Variants in MYO16 observed in about 807,000 individuals in gnomAD.
MYO16 encodes myosin XVI.
Under a neutral mutation model 205.3 loss-of-function variants are expected in MYO16, and 94 were observed. The ratio of observed to expected loss-of-function variants is 0.46; its 90% CI spans 0.39 to 0.54. The LOEUF is 0.54. MYO16 is among the 20% of genes least tolerant of loss of function. MYO16 has a pLI of 0.00. For synonymous variants in MYO16, 988 were observed against 954.0 expected (o/e 1.04, Z -0.66); for missense variants, 2,315 against 2,387.5 (o/e 0.97, Z 0.63).
intron 20 of MYO16, among the ~76,000 whole-genome samples, chr13:108,980,421 G>A (rs1463943997): frequency 8.5e-5 from 13 of 152,112 alleles, no homozygotes; most frequent in Admixed American, 6.5e-4. Flanking sequence ...AGAGTTAGCC[G>A]AATCTTTGTT....
chr13:108,641,429 G>A (rs1880498795), intron 1 of MYO16, among the ~76,000 whole-genome samples: 1 of 152,134 alleles, frequency 6.6e-6, no homozygotes, highest in Admixed American at 6.5e-5. Context: ...GAAATCAATT[G>A]GCCATTCTCC....
chr13:109,106,435 G>A (rs1007345836), intron 28 of MYO16, among the ~76,000 whole-genome samples: 2 of 152,178 alleles, frequency 1.3e-5, no homozygotes, highest in African/African-American at 4.8e-5. Context: ...ACAGAAGAGT[G>A]ACTGGACAGC....
At position 109,102,090 on chromosome 13, in the gene MYO16, CCTTTT is replaced by C. The variant is rs774930224; in HGVS notation, c.3438+1209_3438+1213del. Among the ~76,000 whole-genome samples the C allele has an allele frequency of 9.9e-5, 15 of 151,838 alleles. No homozygotes were observed. The East Asian group carries it at 1.4e-3, about 14-fold the overall frequency. On this transcript the variant is annotated intron_variant, in intron 28 of 34. Coordinates refer to ENST00000457511, the MANE Select transcript of MYO16 (RefSeq NM_001198950.3). ...AATCTTTTTCTTTGTTATCTTTTTT[CCTTTT>C]CTTTTTTTTTTAACTAATAATGAAA...
rs1197283457 is a variant in MYO16, at chr13:108,727,344, T to C, written c.364-96T>C. ...TAGCTTCACCTCTCAACTCCCAAAA[T>C]TGGTATTGAAGTTTTTTTTTAAATC... On this transcript the variant is annotated intron_variant, in intron 3 of 34. Coordinates refer to ENST00000457511, the MANE Select transcript of MYO16 (RefSeq NM_001198950.3). 14 of 1,326,046 alleles carry C rather than the reference T, an allele frequency of 1.1e-5. No individual in the cohort carries two copies. In the Admixed American group the frequency reaches 3.2e-4, roughly 31 times the overall value. The allele number at this position is 1,326,046 out of a possible 1,614,324, so 82.1% of individuals were successfully genotyped here. A position where few individuals can be genotyped will look rare whatever the true frequency, so the allele number is the denominator to read the frequency against.
intron 4 of MYO16, among the ~76,000 whole-genome samples, chr13:108,764,877 T>C (rs1313253465): frequency 6.6e-6 from 1 of 152,190 alleles, no homozygotes; most frequent in Non-Finnish European, 1.5e-5. Context: ...ATTTGAAACT[T>C]GAAACTATGG....
intron 23 of MYO16, among the ~76,000 whole-genome samples, chr13:109,030,426 A>G (rs1293255905): frequency 1.3e-5 from 2 of 152,184 alleles, no homozygotes; most frequent in Admixed American, 1.3e-4. Flanking sequence ...ATTGAATTCA[A>G]GGGTTTATCT....
chr13:109,112,570 A>G (rs1252094747), intron 28 of MYO16, among the ~76,000 whole-genome samples: 1 of 152,142 alleles, frequency 6.6e-6, no homozygotes, highest in Non-Finnish European at 1.5e-5. Context: ...AGCCTGACCA[A>G]CATGGAGAAA....
At chr13:109,016,532 CTTG>C (rs1395600041) in intron 22 of MYO16, among the ~76,000 whole-genome samples, 2 of 152,040 alleles carry the variant, frequency 1.3e-5, no homozygotes, top group Non-Finnish European at 2.9e-5. Flanking sequence ...AACTTTCTGT[CTTG>C]TTGATCTAAT....
At chr13:108,534,700 T>C in the MYO16 span, among the ~76,000 whole-genome samples, 1 of 152,026 alleles carries the variant, frequency 6.6e-6, no homozygotes, top group African/African-American at 2.4e-5. Flanking sequence ...CTAATCTCTA[T>C]AGGTGAAAAG....
intron 22 of MYO16, among the ~76,000 whole-genome samples, chr13:109,016,157 A>G (rs9559459): frequency 0.4 from 60,090 of 151,974 alleles, 12,183 homozygotes; most frequent in East Asian, 0.66. Context: ...ATTCTGGTAT[A>G]TTGTGTCTTT....
intron 2 of MYO16, among the ~76,000 whole-genome samples, chr13:108,666,769 A>T (rs1445387547): frequency 6.6e-6 from 1 of 152,164 alleles, no homozygotes; most frequent in South Asian, 2.1e-4. Context: ...AGATTACCCA[A>T]TGCAAATCTC....
intron 15 of MYO16, among the ~76,000 whole-genome samples, chr13:108,898,982 T>A (rs892654517): frequency 6.6e-6 from 1 of 152,242 alleles, no homozygotes; most frequent in Admixed American, 6.5e-5. Context: ...AGTTTAATTT[T>A]ACTTGGCTTT....
chr13:109,070,737 C>A (rs9301343), intron 27 of MYO16, among the ~76,000 whole-genome samples: 76,006 of 152,018 alleles, frequency 0.5, 19,024 homozygotes, highest in Middle Eastern at 0.55. Context: ...TAAAGGTTAC[C>A]TTTCATTGTT....
chr13:108,572,282 A>C, the MYO16 span, among the ~76,000 whole-genome samples: 1 of 152,054 alleles, frequency 6.6e-6, no homozygotes, highest in Non-Finnish European at 1.5e-5. Flanking sequence ...CTTTACAAAC[A>C]CTGAAGTTTT....
chr13:108,556,482 T>G, the MYO16 span, among the ~76,000 whole-genome samples: 10 of 152,314 alleles, frequency 6.6e-5, no homozygotes, highest in African/African-American at 2.4e-4. Flanking sequence ...CCAGGTTATT[T>G]GTTTTCTTGC....
chr13:109,112,051 C>A (rs1889303375), intron 28 of MYO16, among the ~76,000 whole-genome samples: 1 of 152,124 alleles, frequency 6.6e-6, no homozygotes, highest in African/African-American at 2.4e-5. Context: ...TGATATTATT[C>A]AGTGAAAACT....
At chr13:108,826,465 T>C (rs1187271617) in intron 9 of MYO16, among the ~76,000 whole-genome samples, 1 of 151,898 alleles carries the variant, frequency 6.6e-6, no homozygotes, top group East Asian at 1.9e-4. Context: ...ACTATAAAAC[T>C]CTCTTTAAAA....
chr13:108,760,195 T>C (rs1351212510), intron 4 of MYO16, among the ~76,000 whole-genome samples: 1 of 152,228 alleles, frequency 6.6e-6, no homozygotes, highest in Non-Finnish European at 1.5e-5. Context: ...CCCAAATCTG[T>C]TGGTTCTGAG....
intron 33 of MYO16, among the ~76,000 whole-genome samples, chr13:109,174,864 G>C (rs1392024905): frequency 6.8e-6 from 1 of 147,962 alleles, no homozygotes; most frequent in Non-Finnish European, 1.5e-5. Flanking sequence ...TGATTCTTCA[G>C]CCTCAGCCTC....
Sources: gnomAD v4.1 joint callset for allele counts (sites outside exome capture counted in the v4.1 genomes callset) on GRCh38, gnomAD v4.1.1 for gene constraint, MANE v1.5 for transcripts, NCBI Gene and HGNC (gene_info 2026-07-23, HGNC 2026-07-21) for gene names.